Variants in VRK2 observed in about 807,000 individuals in gnomAD.
VRK2 encodes the protein VRK serine/threonine kinase 2.
Under a neutral mutation model 57.6 loss-of-function variants are expected in VRK2, and 60 were observed. The ratio of observed to expected loss-of-function variants is 1.04; its 90% CI spans 0.85 to 1.29. The LOEUF (loss-of-function observed/expected upper bound fraction) is 1.29. VRK2 is among the 50% of genes most tolerant of loss of function. The probability of loss-of-function intolerance (pLI) is 0.00; values close to 1 mark genes in which losing one functional copy is unlikely to be tolerated. For synonymous variants in VRK2, 231 were observed against 199.2 expected (o/e 1.16, Z -1.35); for missense variants, 705 against 588.1 (o/e 1.20, Z -2.06).
At position 57,986,888 on chromosome 2, in the gene VRK2, C is replaced by T. The variant is rs191992405; in HGVS notation, c.-438-38777C>T. ...TGCTGGGATTACAGGCATAAACCAT[C>T]GTGCCCAGCCTCAATTGATTTTTGA... is the stretch of plus-strand genomic sequence containing the variant. On this transcript the variant is annotated intron_variant, in intron 1 of 15. Coordinates refer to the VRK2 transcript ENST00000417641. Among the ~76,000 whole-genome samples the T allele has an allele frequency of 4.1e-3, 619 of 152,242 alleles. 2 individuals are homozygous for T. Among genetic ancestry groups the T allele is most frequent in the Non-Finnish European group, 6.6e-3 (450 of 68,016 alleles).
intron 7 of VRK2, among the ~76,000 whole-genome samples, chr2:58,102,321 A>G (rs532190411): frequency 1.3e-5 from 2 of 151,358 alleles, no homozygotes; most frequent in Non-Finnish European, 3.0e-5. Flanking sequence ...GATTTTTTTT[A>G]AAAAATGAAC....
chr2:58,048,902 T>C lies in VRK2; in HGVS notation c.71T>C (p.Met24Thr). The C allele has an allele frequency of 1.2e-6, 2 of 1,614,008 alleles. No individual in the cohort carries two copies. Among genetic ancestry groups the C allele is most frequent in the Non-Finnish European group, 1.7e-6 (2 of 1,179,940 alleles). ...CCAGAAGGCAAGGTTCTGGATGATA[T>C]GGAAGGCAATCAGTGGGTACTGGGC... ...PFPEGKVLDD[M>T]EGNQWVLGKK... Residue 24 changes from methionine to threonine, a missense_variant, in exon 2 of 13, where the codon ATG becomes ACG. Coordinates refer to ENST00000340157, the MANE Select transcript of VRK2 (RefSeq NM_006296.7).
At chr2:58,020,924 G>C (rs926558858) in intron 1 of VRK2, among the ~76,000 whole-genome samples, 2 of 152,166 alleles carry the variant, frequency 1.3e-5, no homozygotes, top group Non-Finnish European at 2.9e-5. Flanking sequence ...GTCTAGGAGA[G>C]TGTTTGGACC....
intron 1 of VRK2, among the ~76,000 whole-genome samples, chr2:58,024,517 G>A (rs188811758): frequency 6.6e-6 from 1 of 152,236 alleles, no homozygotes; most frequent in East Asian, 1.9e-4. Context: ...TCATTGAGAA[G>A]AAACTCCCAC....
chr2:57,959,697 C>T (rs973611292), intron 1 of VRK2, among the ~76,000 whole-genome samples: 1 of 152,198 alleles, frequency 6.6e-6, no homozygotes, highest in African/African-American at 2.4e-5. Flanking sequence ...GCTTAATTAA[C>T]CCTTGGAAAA....
chr2:58,108,340 C>T (rs1675057272), intron 7 of VRK2, among the ~76,000 whole-genome samples: 2 of 152,070 alleles, frequency 1.3e-5, no homozygotes, highest in South Asian at 4.1e-4. Context: ...GTTATATTCT[C>T]CTAAATGGAC....
At chr2:58,053,939 G>T (rs1310777867) in intron 2 of VRK2, among the ~76,000 whole-genome samples, 1 of 152,052 alleles carries the variant, frequency 6.6e-6, no homozygotes, top group African/African-American at 2.4e-5. Context: ...TCTCCAGAAG[G>T]TATAAATAAT....
intron 1 of VRK2, among the ~76,000 whole-genome samples, chr2:57,931,636 G>C (rs1243045835): frequency 6.6e-6 from 1 of 151,994 alleles, no homozygotes; most frequent in African/African-American, 2.4e-5. Context: ...GTCCCACTTT[G>C]TTTTTGCTTT....
chr2:57,997,312 A>G (rs1003207454), intron 1 of VRK2, among the ~76,000 whole-genome samples: 1 of 152,022 alleles, frequency 6.6e-6, no homozygotes, highest in East Asian at 1.9e-4. Context: ...ACATGTAAAT[A>G]TTACCAATAT....
chr2:57,965,989 A>T (rs56107634), intron 1 of VRK2, among the ~76,000 whole-genome samples: 3,946 of 152,274 alleles, frequency 0.026, 163 homozygotes, highest in African/African-American at 0.09. Context: ...AGTTATCTCA[A>T]GTTAAAATAA....
chr2:58,089,860 A>G (rs1672125484), intron 7 of VRK2, 137 bp downstream of exon 7: 11 of 607,544 alleles, frequency 1.8e-5, no homozygotes, highest in Non-Finnish European at 2.9e-5. Flanking sequence ...TTACCTGCTT[A>G]TCTAATTTAA....
intron 8 of VRK2, among the ~76,000 whole-genome samples, chr2:58,124,551 ACTT>A (rs575252294): frequency 2.0e-4 from 31 of 152,354 alleles, no homozygotes; most frequent in South Asian, 1.9e-3. Flanking sequence ...AGATATTTGC[ACTT>A]CTTAATGGTT....
chr2:57,991,351 C>G (rs1200844326), intron 1 of VRK2, among the ~76,000 whole-genome samples: 1 of 150,340 alleles, frequency 6.7e-6, no homozygotes, highest in African/African-American at 2.5e-5. Flanking sequence ...AAATATTACT[C>G]CATGTAAATT....
intron 2 of VRK2, among the ~76,000 whole-genome samples, chr2:58,028,557 TA>T (rs1405857170): frequency 1.3e-5 from 2 of 151,980 alleles, no homozygotes; most frequent in Non-Finnish European, 2.9e-5. Context: ...TATGCAGCCA[TA>T]AAAAATGATG....
chr2:57,977,766 T>C (rs992236518), intron 1 of VRK2, among the ~76,000 whole-genome samples: 1 of 151,184 alleles, frequency 6.6e-6, no homozygotes. Flanking sequence ...TGAATAGGAA[T>C]GGTGACAATG....
intron 2 of VRK2, among the ~76,000 whole-genome samples, chr2:58,056,233 T>C (rs1676499507): frequency 6.6e-6 from 1 of 152,154 alleles, no homozygotes; most frequent in Non-Finnish European, 1.5e-5. Flanking sequence ...TTGCTTTTGC[T>C]TTTTCACTGT....
chr2:57,915,998 T>C (rs1324983387), intron 1 of VRK2, among the ~76,000 whole-genome samples: 1 of 152,136 alleles, frequency 6.6e-6, no homozygotes, highest in African/African-American at 2.4e-5. Flanking sequence ...CCATGCCAGT[T>C]TCGTGGAATT....
chr2:57,941,580 C>T (rs1671094825), intron 1 of VRK2, among the ~76,000 whole-genome samples: 1 of 152,144 alleles, frequency 6.6e-6, no homozygotes, highest in African/African-American at 2.4e-5. Flanking sequence ...CATTGTCTGA[C>T]CTGTCTAAAT....
chr2:58,034,767 G>GT (rs1343091296), intron 3 of VRK2, among the ~76,000 whole-genome samples: 4 of 147,726 alleles, frequency 2.7e-5, no homozygotes, highest in Non-Finnish European at 6.0e-5. Flanking sequence ...AGGTTCCAGA[G>GT]GTTTTTTTTA....
Sources: allele counts gnomAD v4.1 joint callset (sites outside exome capture counted in the v4.1 genomes callset), GRCh38; gene constraint gnomAD v4.1.1; transcripts MANE v1.5; gene names NCBI Gene and HGNC (gene_info 2026-07-23, HGNC 2026-07-21).